TBATA: variants seen among roughly 807,000 people sequenced by gnomAD.
The protein encoded by TBATA is protein TBATA.
Under a neutral mutation model 38.7 loss-of-function variants are expected in TBATA, and 47 were observed. That is an observed-to-expected ratio of 1.21 (90% confidence interval 0.96 to 1.55). The LOEUF (loss-of-function observed/expected upper bound fraction) is 1.55. Ranked by LOEUF, TBATA falls within the 40% of genes most tolerant of loss-of-function variation. The probability of loss-of-function intolerance (pLI) is 0.00; values close to 1 mark genes in which losing one functional copy is unlikely to be tolerated. For missense variants in TBATA, 436 were observed against 435.6 expected, an observed-to-expected ratio of 1.00 and a Z score of -0.01; for synonymous variants, 183 against 170.5, an observed-to-expected ratio of 1.07 and a Z score of -0.57.
chr10:70,781,681 T>C (rs942503300), intron 4 of TBATA, 120 bp downstream of exon 4: 6 of 988,950 alleles, frequency 6.1e-6, no homozygotes, highest in Middle Eastern at 2.9e-4. Context: ...CCTGGGATCC[T>C]GGACCCCATC....
chr10:70,771,525 G>A (rs1842792496), intron 10 of TBATA, 64 bp from the exon 11 acceptor site: 1 of 1,467,412 alleles, frequency 6.8e-7, no homozygotes, highest in Admixed American at 1.7e-5. Flanking sequence ...CCTGGGAGCT[G>A]CAGGTGGATG....
chr10:70,776,236 G>A (rs1843381559), intron 7 of TBATA: 1 of 418,594 alleles, frequency 2.4e-6, no homozygotes, highest in South Asian at 1.7e-5. Context: ...CTGCTTAGGG[G>A]TCCACCCTCG....
intron 5 of TBATA, among the ~76,000 whole-genome samples, chr10:70,779,210 C>T (rs1005066536): frequency 2.6e-5 from 4 of 152,228 alleles, no homozygotes; most frequent in Admixed American, 6.5e-5. Flanking sequence ...ACCTCTGAAA[C>T]GCCAAGCCAG....
chr10:70,778,114 TTCC>T (rs1010227948), intron 6 of TBATA, among the ~76,000 whole-genome samples: 4 of 152,076 alleles, frequency 2.6e-5, no homozygotes, highest in African/African-American at 7.2e-5. Flanking sequence ...TTTGAAAACC[TTCC>T]GAGATTCTCT....
chr10:70,781,999 G>A lies in TBATA; in HGVS notation c.79C>T (p.Arg27Cys), dbSNP rs374343305. The part of the protein sequence containing the change: ...AELKLEKKSG[R>C]KPRSPRDSGP... ...CTGTCCCTGGGGCTCCTTGGCTTGC[G>A]CCCTGACTTCTTCTCCAGTTTCAGC... is the stretch of plus-strand genomic sequence containing the variant. The change falls in exon 4 of 11, where the codon CGC becomes TGC. Residue 27 changes from arginine to cysteine, a missense_variant. Coordinates refer to ENST00000456372, the MANE Select transcript of TBATA (RefSeq NM_001318241.2). The A allele has an allele frequency of 6.6e-5, 107 of 1,614,216 alleles. No homozygotes were observed. Among genetic ancestry groups the A allele is most frequent in the Middle Eastern group, 4.9e-4 (3 of 6,062 alleles).
chr10:70,779,301 C>A (rs1244429244), intron 5 of TBATA, among the ~76,000 whole-genome samples: 1 of 152,232 alleles, frequency 6.6e-6, no homozygotes, highest in Non-Finnish European at 1.5e-5. Context: ...TGGCCTACAG[C>A]TGCCAGTCAC....
chr10:70,771,917 A>G (rs1406419620), intron 10 of TBATA, among the ~76,000 whole-genome samples: 2 of 151,938 alleles, frequency 1.3e-5, no homozygotes, highest in Non-Finnish European at 2.9e-5. Flanking sequence ...GGGGGCATGC[A>G]CACCCTGCTC....
intron 9 of TBATA, 107 bp downstream of exon 9, chr10:70,774,106 A>G: frequency 6.9e-7 from 1 of 1,446,184 alleles, no homozygotes; most frequent in South Asian, 1.3e-5. Flanking sequence ...GGACAGACTT[A>G]GTCAGCCCAG....
rs148825173 is a variant in TBATA, at chr10:70,780,925, C to A, written c.277+876G>T. ...CTTCTAGCCCCTGGTCCAAGCCACA[C>A]TTAAGACAGAGGCCAGGATGACCTT... On this transcript the variant is annotated intron_variant, in intron 4 of 10. Coordinates refer to ENST00000456372, the MANE Select transcript of TBATA (RefSeq NM_001318241.2). Among the ~76,000 whole-genome samples, 228 of 152,354 alleles carry A rather than the reference C, an allele frequency of 1.5e-3. 1 individual carries two copies. The highest frequency in any genetic ancestry group is 5.0e-3 in the African/African-American group (208 of 41,574).
chr10:70,782,546 C>CTT lies in TBATA; in HGVS notation c.42-512_42-511dup. 4.0e-6 allele frequency: 5 copies of CTT among 1,253,358 alleles called. No homozygotes were observed. In the South Asian group the frequency reaches 6.7e-5, roughly 17 times the overall value. The allele number at this position is 1,253,358 out of a possible 1,614,324, so 77.6% of individuals were successfully genotyped here. Reference sequence around the variant, plus strand: ...CAGCGTCCAGAGGCCAGAGCTGGAGCTTAGGCCAGACCAGACCAGCAAGTT... The same window carrying CTT: ...CAGCGTCCAGAGGCCAGAGCTGGAGCTTTTAGGCCAGACCAGACCAGCAAGTT... On this transcript the variant is annotated intron_variant, in intron 3 of 10. Transcript: ENST00000456372.
chr10:70,781,708 CT>C (rs1333607630), intron 4 of TBATA, 92 bp downstream of exon 4: 5 of 1,255,600 alleles, frequency 4.0e-6, no homozygotes, highest in Non-Finnish European at 5.7e-6. Flanking sequence ...GGGCCCCAGC[CT>C]GGAAATGGGC....
chr10:70,779,808 G>C, intron 4 of TBATA, 66 bp from the exon 5 acceptor site: 1 of 1,468,872 alleles, frequency 6.8e-7, no homozygotes, highest in South Asian at 1.4e-5. Flanking sequence ...AGGAGGCAGG[G>C]AAGAGGCTGA....
intron 8 of TBATA, among the ~76,000 whole-genome samples, 153 bp downstream of exon 8, chr10:70,775,036 G>A (rs1843207433): frequency 6.6e-6 from 1 of 152,230 alleles, no homozygotes. Flanking sequence ...GCTGGGAAGG[G>A]TTAGTTTGGG....
chr10:70,775,202 G>A lies in TBATA; in HGVS notation c.762C>T (p.Tyr254=), dbSNP rs372309197. 28 of 1,613,876 alleles carry A rather than the reference G, an allele frequency of 1.7e-5. No homozygotes were observed. Among genetic ancestry groups the A allele is most frequent in the East Asian group, 8.9e-5 (4 of 44,876 alleles). ...CTGTGTCCTCACCCTTGGGCGGAGC[G>A]TAGAGCAGCCAGAACTGGATTGCGC... is the stretch of plus-strand genomic sequence containing the variant. ...LLSAIQFWLL[Y]APPKEKDLAL... Residue 254 remains tyrosine (Y), a synonymous_variant, in exon 8 of 11, where the codon TAC becomes TAT. Transcript: ENST00000456372.
intron 2 of TBATA, among the ~76,000 whole-genome samples, chr10:70,783,859 A>T (rs889540636): frequency 1.3e-5 from 2 of 152,244 alleles, no homozygotes; most frequent in Non-Finnish European, 2.9e-5. Flanking sequence ...TTGCGATGTT[A>T]TATTTATGCA....
At position 70,771,476 on chromosome 10, in the gene TBATA, G is replaced by C; in HGVS notation, c.974-15C>G. 2 of 1,612,146 alleles carry C rather than the reference G, an allele frequency of 1.2e-6. No homozygotes were observed. The highest frequency in any genetic ancestry group is 1.7e-6 in the Non-Finnish European group (2 of 1,178,672). On this transcript the variant is annotated splice_polypyrimidine_tract_variant and intron_variant, in intron 10 of 10. Coordinates refer to ENST00000456372, the MANE Select transcript of TBATA (RefSeq NM_001318241.2). ...TCCAATGTACTCTAGTGGGAGGAGA[G>C]ACAGCAGGCAGGAGAGGACCGGGAA...
chr10:70,777,120 G>T (rs764227949), intron 7 of TBATA, 33 bp downstream of exon 7: 2 of 1,603,258 alleles, frequency 1.2e-6, no homozygotes, highest in Non-Finnish European at 1.7e-6. Flanking sequence ...AATGTGGAGA[G>T]CCAGGAGCCT....
At chr10:70,772,650 G>A (rs1842906969) in intron 9 of TBATA, 84 bp from the exon 10 acceptor site, 19 of 1,436,612 alleles carry the variant, frequency 1.3e-5, no homozygotes, top group Non-Finnish European at 1.9e-5. Context: ...GGGAGGTGGG[G>A]AAGGTGGTGC....
Position 70,783,350 on chromosome 10 carries a change from A to C in TBATA, c.30T>G (p.Tyr10Ter). 1.9e-6 allele frequency: 3 copies of C among 1,614,206 alleles called. No homozygotes were observed. Among genetic ancestry groups the C allele is most frequent in the Middle Eastern group, 3.3e-4 (2 of 6,062 alleles). The change falls in exon 3 of 11, where the codon TAT (tyrosine) becomes TAG (stop). Residue 10 changes from tyrosine (Y) to a stop codon, truncating the protein, a stop_gained. Transcript: ENST00000456372. LOFTEE classifies it high-confidence loss of function. ...ATTTGGAGCCTCACCTCATCAGTGG[A>C]TAATCAGCCAATTGAACATCTGTAG... MATDVQLAD[Y>*]PLMSPKAELK...
Sources: gnomAD v4.1 joint callset for allele counts (sites outside exome capture counted in the v4.1 genomes callset) on GRCh38, gnomAD v4.1.1 for gene constraint, MANE v1.5 for transcripts, NCBI Gene and HGNC (gene_info 2026-07-23, HGNC 2026-07-21) for gene names.